Variants in CELF4 observed in about 807,000 individuals in gnomAD.
The protein encoded by CELF4 is CUG-BP- and ETR-3-like factor 4.
Under a neutral mutation model 59.9 loss-of-function variants are expected in CELF4, and 18 were observed. The ratio of observed to expected loss-of-function variants is 0.30; its 90% CI spans 0.21 to 0.45. The LOEUF (loss-of-function observed/expected upper bound fraction) is 0.45, where lower values mean the gene tolerates loss of function less well. Ranked by LOEUF, CELF4 falls within the 20% of genes least tolerant of loss-of-function variation. CELF4 has a pLI of 1.00. For synonymous variants in CELF4, 261 were observed against 267.1 expected, an observed-to-expected ratio of 0.98 and a Z score of 0.22; for missense variants, 456 against 689.0, an observed-to-expected ratio of 0.66 and a Z score of 3.79.
chr18:37,310,015 C>T (rs2096587741), intron 3 of CELF4, among the ~76,000 whole-genome samples: 6 of 151,640 alleles, frequency 4.0e-5, no homozygotes. Context: ...TCTATTTGCA[C>T]TTGTCAATCA....
chr18:37,343,329 C>CTGTG (rs5824051), intron 2 of CELF4, among the ~76,000 whole-genome samples: 18,976 of 126,860 alleles, frequency 0.15, 1,754 homozygotes, highest in Admixed American at 0.22. Context: ...GGTGTTGATT[C>CTGTG]TGTGTGTGTG....
At chr18:37,331,952 G>A (rs895211686) in intron 2 of CELF4, among the ~76,000 whole-genome samples, 15 of 152,274 alleles carry the variant, frequency 9.9e-5, no homozygotes, top group Admixed American at 9.8e-4. Flanking sequence ...GGGAGCCCCT[G>A]TTAGTTTGCA....
chr18:37,286,053 G>A (rs907318700), intron 3 of CELF4, among the ~76,000 whole-genome samples: 1 of 152,016 alleles, frequency 6.6e-6, no homozygotes, highest in Admixed American at 6.6e-5. Context: ...GTTTGTCCTC[G>A]GCTTTCAAGG....
intron 1 of CELF4, among the ~76,000 whole-genome samples, chr18:37,556,918 G>A (rs2099984973): frequency 6.6e-6 from 1 of 152,102 alleles, no homozygotes; most frequent in African/African-American, 2.4e-5. Flanking sequence ...GTAGGTTTTG[G>A]GGACTCTAGA....
chr18:37,455,419 A>G (rs922456551), intron 2 of CELF4, among the ~76,000 whole-genome samples: 2 of 152,108 alleles, frequency 1.3e-5, no homozygotes, highest in Non-Finnish European at 2.9e-5. Flanking sequence ...ACTCATGTCC[A>G]CTTCCCACCA....
At chr18:37,261,888 C>T (rs116877161) in intron 10 of CELF4, among the ~76,000 whole-genome samples, 1 of 152,334 alleles carries the variant, frequency 6.6e-6, no homozygotes, top group East Asian at 1.9e-4. Context: ...ATTTCCATGA[C>T]ATTCCACATG....
At chr18:37,418,931 C>T (rs1280497448) in intron 2 of CELF4, among the ~76,000 whole-genome samples, 2 of 152,200 alleles carry the variant, frequency 1.3e-5, no homozygotes, top group Non-Finnish European at 2.9e-5. Flanking sequence ...TTCTGGAATA[C>T]TGAGCTGACA....
At chr18:37,523,785 G>A (rs574094400) in intron 1 of CELF4, among the ~76,000 whole-genome samples, 1 of 152,258 alleles carries the variant, frequency 6.6e-6, no homozygotes, top group East Asian at 1.9e-4. Flanking sequence ...TGAAACTTGA[G>A]TCTCTACACT....
chr18:37,456,488 G>A (rs552690081), intron 2 of CELF4, among the ~76,000 whole-genome samples: 1 of 152,318 alleles, frequency 6.6e-6, no homozygotes, highest in East Asian at 1.9e-4. Flanking sequence ...ACGTCTGACA[G>A]CGTGTAGTCC....
intron 1 of CELF4, among the ~76,000 whole-genome samples, chr18:37,522,177 T>G (rs1222534768): frequency 6.6e-6 from 1 of 151,322 alleles, no homozygotes; most frequent in Non-Finnish European, 1.5e-5. Flanking sequence ...AAAGGACAGC[T>G]CTTAAATTAT....
At chr18:37,490,591 G>A (rs1172288037) in intron 1 of CELF4, among the ~76,000 whole-genome samples, 1 of 152,082 alleles carries the variant, frequency 6.6e-6, no homozygotes, top group African/African-American at 2.4e-5. Flanking sequence ...AGCCGGGGCT[G>A]GCTGCTGCGG....
chr18:37,368,486 C>A (rs977688712), intron 2 of CELF4, among the ~76,000 whole-genome samples: 1 of 152,178 alleles, frequency 6.6e-6, no homozygotes, highest in African/African-American at 2.4e-5. Context: ...CCTGGCTGGC[C>A]TCCCCTCCCA....
At chr18:37,547,151 TGTGTGTGTG>T (rs2099981672) in intron 1 of CELF4, among the ~76,000 whole-genome samples, 1 of 118,772 alleles carries the variant, frequency 8.4e-6, no homozygotes, top group African/African-American at 3.5e-5. Context: ...TGTATGTGTG[TGTGTGTGTG>T]GTGTGTGTGT....
At chr18:37,482,199 C>T (rs1239508629) in intron 2 of CELF4, among the ~76,000 whole-genome samples, 2 of 152,134 alleles carry the variant, frequency 1.3e-5, no homozygotes, top group East Asian at 1.9e-4. Flanking sequence ...TTTTACAGAA[C>T]GTCTGGCACA....
At chr18:37,480,316 G>A (rs1482870196) in intron 2 of CELF4, among the ~76,000 whole-genome samples, 1 of 152,176 alleles carries the variant, frequency 6.6e-6, no homozygotes, top group Non-Finnish European at 1.5e-5. Flanking sequence ...AACCAACACT[G>A]TGCCTACAGG....
chr18:37,527,977 T>C (rs1000833510), intron 1 of CELF4, among the ~76,000 whole-genome samples: 1 of 152,136 alleles, frequency 6.6e-6, no homozygotes, highest in African/African-American at 2.4e-5. Flanking sequence ...CCTAGCACAG[T>C]TTTAACACCT....
chr18:37,509,482 G>T (rs963910439), intron 1 of CELF4, among the ~76,000 whole-genome samples: 1 of 152,232 alleles, frequency 6.6e-6, no homozygotes, highest in Non-Finnish European at 1.5e-5. Flanking sequence ...GAATAAAACT[G>T]ATCAGATAGG....
chr18:37,295,657 G>A (rs1423770043), intron 3 of CELF4, among the ~76,000 whole-genome samples: 4 of 152,180 alleles, frequency 2.6e-5, no homozygotes, highest in African/African-American at 9.7e-5. Flanking sequence ...CACATAAAGA[G>A]GTTAAGAAGT....
intron 2 of CELF4, among the ~76,000 whole-genome samples, chr18:37,387,679 G>A (rs1339353611): frequency 6.6e-6 from 1 of 152,232 alleles, no homozygotes; most frequent in African/African-American, 2.4e-5. Flanking sequence ...GAAGCTGCAG[G>A]TTTTTCCTTG....
Sources: gnomAD v4.1 joint callset for allele counts (sites outside exome capture counted in the v4.1 genomes callset) on GRCh38, gnomAD v4.1.1 for gene constraint, MANE v1.5 for transcripts, NCBI Gene and HGNC (gene_info 2026-07-23, HGNC 2026-07-21) for gene names.